KLF12: variants seen among roughly 807,000 people sequenced by gnomAD.
KLF12 encodes KLF transcription factor 12.
KLF12 carries 9 observed loss-of-function variants against 37.8 expected under a neutral mutation model. The observed-to-expected ratio is 0.24, with a 90% CI of 0.14 to 0.42. The LOEUF is 0.42. Ranked by LOEUF, KLF12 falls within the 10% of genes least tolerant of loss-of-function variation. KLF12 has a pLI of 1.00. For missense variants in KLF12, 411 were observed against 516.0 expected, an observed-to-expected ratio of 0.80 and a Z score of 1.97; for synonymous variants, 208 against 202.1, an observed-to-expected ratio of 1.03 and a Z score of -0.25.
At chr13:73,909,921 T>C (rs1464189414) in intron 3 of KLF12, among the ~76,000 whole-genome samples, 1 of 152,176 alleles carries the variant, frequency 6.6e-6, no homozygotes, top group East Asian at 1.9e-4. Context: ...CCTGTACGTG[T>C]ACATTTCTAT....
chr13:74,124,989 A>G (rs1593920214), intron 1 of KLF12, among the ~76,000 whole-genome samples: 1 of 152,088 alleles, frequency 6.6e-6, no homozygotes, highest in East Asian at 1.9e-4. Flanking sequence ...TACTAAAAGC[A>G]CAAAAAATCA....
chr13:73,967,108 G>GT (rs1891190401), intron 2 of KLF12, among the ~76,000 whole-genome samples: 2 of 152,160 alleles, frequency 1.3e-5, no homozygotes. Flanking sequence ...GAATGCAAAT[G>GT]TAACACTTCC....
the KLF12 span, among the ~76,000 whole-genome samples, chr13:74,183,600 TA>T: frequency 2.0e-5 from 3 of 151,052 alleles, no homozygotes; most frequent in East Asian, 1.9e-4. Context: ...TTTGTAAAAA[TA>T]AAAAAAAATC....
At chr13:74,135,068 G>A (rs1309492291), upstream of KLF12, among the ~76,000 whole-genome samples, 1 of 151,458 alleles carries the variant, frequency 6.6e-6, no homozygotes, top group Admixed American at 6.6e-5. Context: ...GGTGGGGCGG[G>A]CGGAGGGCCG....
At chr13:73,951,866 G>A (rs1170779443) in intron 2 of KLF12, among the ~76,000 whole-genome samples, 1 of 152,170 alleles carries the variant, frequency 6.6e-6, no homozygotes, top group Non-Finnish European at 1.5e-5. Flanking sequence ...TAGAACATAA[G>A]TTCCAGGAGG....
chr13:73,900,588 T>G (rs1478475410), intron 3 of KLF12, among the ~76,000 whole-genome samples: 1 of 152,036 alleles, frequency 6.6e-6, no homozygotes, highest in Admixed American at 6.6e-5. Flanking sequence ...AAAAATCCCA[T>G]TAAGTACATA....
chr13:74,074,050 G>A (rs1308405118), intron 1 of KLF12, among the ~76,000 whole-genome samples: 1 of 152,114 alleles, frequency 6.6e-6, no homozygotes, highest in Non-Finnish European at 1.5e-5. Flanking sequence ...TTTTCTATAG[G>A]CTGAGAGGCT....
chr13:73,738,108 T>TGTATGTGTAC (rs1877625312), intron 6 of KLF12, among the ~76,000 whole-genome samples: 3 of 58,692 alleles, frequency 5.1e-5, no homozygotes, highest in African/African-American at 3.5e-4. Flanking sequence ...TATATATATA[T>TGTATGTGTAC]ATATATATAT....
intron 1 of KLF12, among the ~76,000 whole-genome samples, chr13:74,031,033 C>G (rs1893098753): frequency 6.6e-6 from 1 of 152,062 alleles, no homozygotes; most frequent in African/African-American, 2.4e-5. Flanking sequence ...ATGCACAAGG[C>G]ACTGTGCTAT....
chr13:73,999,386 A>G (rs985604133), intron 1 of KLF12, among the ~76,000 whole-genome samples: 2 of 152,222 alleles, frequency 1.3e-5, no homozygotes, highest in East Asian at 3.9e-4. Context: ...TTTCCTGGAC[A>G]TATTTTATAA....
intron 2 of KLF12, among the ~76,000 whole-genome samples, chr13:73,966,421 A>C (rs1057326255): frequency 2.6e-5 from 4 of 152,340 alleles, no homozygotes; most frequent in Admixed American, 2.6e-4. Context: ...AAAAATGCCA[A>C]ATAAAAAGTA....
chr13:73,824,602 A>T (rs545868090), intron 4 of KLF12, among the ~76,000 whole-genome samples: 1 of 152,208 alleles, frequency 6.6e-6, no homozygotes, highest in Admixed American at 6.5e-5. Flanking sequence ...CCTGTGTTTC[A>T]ATCTTGGTTG....
chr13:74,264,095 C>G, the KLF12 span, among the ~76,000 whole-genome samples: 1 of 152,116 alleles, frequency 6.6e-6, no homozygotes, highest in Non-Finnish European at 1.5e-5. Flanking sequence ...GGATGACAGA[C>G]TGTGGTAAGC....
At chr13:73,696,222 T>C (rs1874139651) in intron 7 of KLF12, among the ~76,000 whole-genome samples, 1 of 152,188 alleles carries the variant, frequency 6.6e-6, no homozygotes, top group African/African-American at 2.4e-5. Context: ...TGTTCATAGA[T>C]ATCTATTTTT....
At chr13:74,070,097 G>T (rs371678808) in intron 1 of KLF12, among the ~76,000 whole-genome samples, 1 of 152,160 alleles carries the variant, frequency 6.6e-6, no homozygotes, top group African/African-American at 2.4e-5. Context: ...GGCAAATAGA[G>T]AAACGAGGAA....
chr13:73,706,127 C>T (rs1018504117), intron 7 of KLF12, among the ~76,000 whole-genome samples: 8 of 152,122 alleles, frequency 5.3e-5, no homozygotes, highest in South Asian at 2.1e-4. Flanking sequence ...ACTCCTCTAG[C>T]CTGGCGACAG....
At chr13:73,947,648 CAAAAAAAAAA>C (rs11378611) in intron 2 of KLF12, among the ~76,000 whole-genome samples, 5 of 85,900 alleles carry the variant, frequency 5.8e-5, no homozygotes, top group Admixed American at 1.5e-4. Flanking sequence ...GAGACGGTCT[CAAAAAAAAAA>C]AAAAAAAAAA....
intron 5 of KLF12, among the ~76,000 whole-genome samples, chr13:73,811,133 C>T (rs1882920963): frequency 1.3e-5 from 2 of 151,134 alleles, no homozygotes; most frequent in African/African-American, 2.4e-5. Flanking sequence ...TTACAGGCAC[C>T]CACCACCACG....
chr13:73,794,169 A>G (rs1247962042), intron 5 of KLF12, among the ~76,000 whole-genome samples: 2 of 152,208 alleles, frequency 1.3e-5, no homozygotes, highest in African/African-American at 4.8e-5. Flanking sequence ...GCCTTTTTAA[A>G]AAGGTGACAG....
Sources: gnomAD v4.1 joint callset for allele counts (sites outside exome capture counted in the v4.1 genomes callset) on GRCh38, gnomAD v4.1.1 for gene constraint, MANE v1.5 for transcripts, NCBI Gene and HGNC (gene_info 2026-07-23, HGNC 2026-07-21) for gene names.